IKBKB: variants seen among roughly 807,000 people sequenced by gnomAD.
IKBKB encodes inhibitor of nuclear factor kappa B kinase subunit beta, also known as inhibitor of nuclear factor kappa-B kinase subunit beta.
A neutral mutation model predicts 113.6 loss-of-function variants in IKBKB; 42 were observed. The ratio of observed to expected loss-of-function variants is 0.37; its 90% confidence interval spans 0.29 to 0.48. The LOEUF is 0.48. Ranked by LOEUF, IKBKB falls within the 20% of genes least tolerant of loss-of-function variation. The pLI, the probability that IKBKB is intolerant of heterozygous loss-of-function variation, is 0.99. For missense variants in IKBKB, 673 were observed against 939.7 expected (o/e 0.72, Z 3.71); for synonymous variants, 296 against 361.3 (o/e 0.82, Z 2.05).
At chr8:42,298,504 A>T (rs1216749400) in intron 5 of IKBKB, 1 of 984,192 alleles carries the variant, frequency 1.0e-6, no homozygotes, top group Non-Finnish European at 1.2e-6. Context: ...ACTGTCTAGC[A>T]TTGTGGATCT....
intron 19 of IKBKB, chr8:42,325,329 T>TTG: frequency 2.0e-6 from 2 of 985,576 alleles, no homozygotes; most frequent in Non-Finnish European, 2.4e-6. Flanking sequence ...CCCATAGCCT[T>TTG]TGTGTGTGTG....
chr8:42,288,045 G>A (rs1051527330), intron 2 of IKBKB, among the ~76,000 whole-genome samples: 5 of 152,128 alleles, frequency 3.3e-5, no homozygotes, highest in African/African-American at 1.2e-4. Flanking sequence ...GCGGAGCTGG[G>A]AATGGAGCAG....
intron 2 of IKBKB, among the ~76,000 whole-genome samples, chr8:42,283,345 A>G (rs984686056): frequency 1.3e-5 from 2 of 152,116 alleles, no homozygotes; most frequent in East Asian, 1.9e-4. Context: ...CCCTGAACCT[A>G]TGACTGGGTG....
rs767985812 is a variant in IKBKB, at chr8:42,272,222, GC to G, written c.105+18del. The G allele has an allele frequency of 2.5e-6, 4 of 1,614,152 alleles. No homozygotes were observed. Among genetic ancestry groups the G allele is most frequent in the Non-Finnish European group, 3.4e-6 (4 of 1,180,036 alleles). On this transcript the variant is annotated intron_variant, in intron 2 of 21. Transcript: ENST00000520810. ...CACAATCAGGTAGGCCCTCTGTGCA[GC>G]TTGGGGAGGGGCGGGGAGCCAGGCC...
At chr8:42,328,601 C>T (rs565404636) in intron 20 of IKBKB, among the ~76,000 whole-genome samples, 2 of 152,314 alleles carry the variant, frequency 1.3e-5, no homozygotes, top group South Asian at 4.1e-4. Flanking sequence ...TGTTTTACTA[C>T]ATGCTGCTCT....
chr8:42,315,457 G>GT (rs1398970475), intron 9 of IKBKB, among the ~76,000 whole-genome samples: 2 of 152,130 alleles, frequency 1.3e-5, no homozygotes, highest in Non-Finnish European at 2.9e-5. Context: ...TTGGGAGGTG[G>GT]TGAGTAGCTG....
chr8:42,323,605 C>G (rs1187758137), intron 19 of IKBKB, among the ~76,000 whole-genome samples: 5 of 152,132 alleles, frequency 3.3e-5, no homozygotes, highest in African/African-American at 1.2e-4. Flanking sequence ...ATGGTGGAAG[C>G]AGGAGATGGT....
At position 42,291,373 on chromosome 8, in the gene IKBKB, G is replaced by T. The variant is rs554012625; in HGVS notation, c.318+1100G>T. On this transcript the variant is annotated intron_variant, in intron 4 of 21. Coordinates refer to ENST00000520810, the MANE Select transcript of IKBKB (RefSeq NM_001556.3). The stretch of plus-strand genomic sequence containing the variant: ...ATTTTTGTATTTTTAGTAGAGGCAG[G>T]GTTTCGCCACATCAGCCAGGCTGGT... 7.9e-5 allele frequency among the ~76,000 whole-genome samples: 12 copies of T among 152,250 alleles called. No individual in the cohort carries two copies. The East Asian group carries it at 2.3e-3, about 29-fold the overall frequency.
chr8:42,277,941 G>A (rs1243665964), intron 2 of IKBKB, among the ~76,000 whole-genome samples: 2 of 152,342 alleles, frequency 1.3e-5, no homozygotes, highest in South Asian at 2.1e-4. Context: ...TCTATTATGT[G>A]TACATTGGTA....
chr8:42,280,694 G>A (rs1810193998), intron 2 of IKBKB, among the ~76,000 whole-genome samples: 1 of 152,192 alleles, frequency 6.6e-6, no homozygotes, highest in African/African-American at 2.4e-5. Flanking sequence ...CATGTTCTGT[G>A]TACACTTGGC....
At chr8:42,320,689 C>A in intron 15 of IKBKB, 46 bp from the exon 16 acceptor site, 2 of 1,493,722 alleles carry the variant, frequency 1.3e-6, no homozygotes, top group Non-Finnish European at 1.9e-6. Flanking sequence ...TGCATCTCAG[C>A]ATGCGCCTAC....
At chr8:42,286,033 C>T (rs747569105) in intron 2 of IKBKB, among the ~76,000 whole-genome samples, 1 of 152,076 alleles carries the variant, frequency 6.6e-6, no homozygotes, top group Non-Finnish European at 1.5e-5. Flanking sequence ...AACTATTGAA[C>T]TGTGTAATTT....
At chr8:42,293,657 G>C in intron 5 of IKBKB, 145 bp downstream of exon 5, 1 of 1,406,648 alleles carries the variant, frequency 7.1e-7, no homozygotes, top group South Asian at 1.3e-5. Context: ...GGGGACCCTG[G>C]TGGAGTAGGG....
intron 2 of IKBKB, among the ~76,000 whole-genome samples, chr8:42,274,327 G>A (rs1808463974): frequency 6.6e-6 from 1 of 151,994 alleles, no homozygotes; most frequent in Non-Finnish European, 1.5e-5. Context: ...ACTACGTCCG[G>A]CCTGAAATAT....
rs56411242 is a variant in IKBKB at position 42,316,885 on chromosome 8, A to G, written c.1106A>G (p.Gln369Arg). 19 of 1,614,140 alleles carry G rather than the reference A, an allele frequency of 1.2e-5. No homozygotes were observed. The East Asian group carries it at 1.8e-4, about 15-fold the overall frequency. ...LALIPDKPAT[Q>R]CISDGKLNEG... is the part of the protein sequence containing the mutation. Reference sequence around the variant, plus strand: ...TTGATCCCCGATAAGCCTGCCACTCAGTGTATTTCAGACGGCAAGGTGAGC... The same window carrying G: ...TTGATCCCCGATAAGCCTGCCACTCGGTGTATTTCAGACGGCAAGGTGAGC... The change falls in exon 11 of 22, where the codon CAG becomes CGG. Residue 369 changes from glutamine (Q) to arginine (R), a missense_variant. Gln to Arg is a conservative substitution (Grantham distance 43). Coordinates refer to ENST00000520810, the MANE Select transcript of IKBKB (RefSeq NM_001556.3). The surrounding 1 kb of genome is among the most constrained non-coding windows in gnomAD (Gnocchi z 4.5).
At chr8:42,300,415 A>G (rs902928125) in intron 5 of IKBKB, among the ~76,000 whole-genome samples, 14 of 152,130 alleles carry the variant, frequency 9.2e-5, no homozygotes, top group African/African-American at 3.1e-4. Context: ...CCTGTTCTCT[A>G]TGGAATGTAG....
At chr8:42,327,363 T>C (rs888083021) in intron 20 of IKBKB, among the ~76,000 whole-genome samples, 11 of 139,486 alleles carry the variant, frequency 7.9e-5, no homozygotes, top group African/African-American at 2.3e-4. Flanking sequence ...AGACAGACTC[T>C]TGCTCTGTTG....
chr8:42,322,001 C>T, intron 17 of IKBKB, 53 bp from the exon 18 acceptor site: 1 of 1,604,432 alleles, frequency 6.2e-7, no homozygotes, highest in East Asian at 2.2e-5. Flanking sequence ...TATGGGGCAT[C>T]ACTACTCTCT....
chr8:42,317,468 G>A (rs1818916674), intron 11 of IKBKB, among the ~76,000 whole-genome samples, 189 bp from the exon 12 acceptor site: 1 of 152,214 alleles, frequency 6.6e-6, no homozygotes, highest in Non-Finnish European at 1.5e-5. Flanking sequence ...TAATACGTTT[G>A]TAAATAAAGA....
Sources: allele counts gnomAD v4.1 joint callset (sites outside exome capture counted in the v4.1 genomes callset), GRCh38; gene constraint gnomAD v4.1.1; non-coding constraint Gnocchi (gnomAD v3.1); transcripts MANE v1.5; gene names NCBI Gene and HGNC (gene_info 2026-07-23, HGNC 2026-07-21).